DMD: variants seen among roughly 807,000 people sequenced by gnomAD.
The protein encoded by DMD is mutant dystrophin.
In DMD, 63 loss-of-function variants were observed where a neutral mutation model predicts 330.1. The ratio of observed to expected loss-of-function variants is 0.19; its 90% CI spans 0.16 to 0.24. DMD has a LOEUF of 0.24. DMD is among the 10% of genes least tolerant of loss of function. DMD has a pLI of 1.00. For missense variants in DMD, 3,344 were observed against 2,684.1 expected, an observed-to-expected ratio of 1.25 and a Z score of -5.43; for synonymous variants, 1,223 against 959.8, an observed-to-expected ratio of 1.27 and a Z score of -5.07.
chrX:31,231,268 A>T (rs1408909340), intron 63 of DMD, among the ~76,000 whole-genome samples: 1 of 110,841 alleles, frequency 9.0e-6, no homozygotes, highest in African/African-American at 3.3e-5. Context: ...TATATAACAT[A>T]TATTATTTTA....
chrX:33,065,483 G>A (rs977433103), intron 1 of DMD, among the ~76,000 whole-genome samples: 2 of 112,433 alleles, frequency 1.8e-5, no homozygotes, highest in African/African-American at 3.2e-5. Flanking sequence ...AACATGTGAA[G>A]CACTTTAGTA....
At chrX:31,603,843 G>A (rs2077485369) in intron 55 of DMD, among the ~76,000 whole-genome samples, 1 of 111,505 alleles carries the variant, frequency 9.0e-6, no homozygotes, top group Non-Finnish European at 1.9e-5. Flanking sequence ...CCTTCCTGGT[G>A]GCTTCTGTTT....
chrX:32,617,349 C>G (rs1166286544), intron 11 of DMD, among the ~76,000 whole-genome samples: 1 of 111,453 alleles, frequency 9.0e-6, no homozygotes, highest in Non-Finnish European at 1.9e-5. Flanking sequence ...ACCAAGACAG[C>G]ATTGTATTAG....
intron 61 of DMD, among the ~76,000 whole-genome samples, chrX:31,340,429 A>G (rs1020264878): frequency 4.4e-5 from 5 of 112,619 alleles, no homozygotes; most frequent in African/African-American, 1.3e-4. Flanking sequence ...ACATGCTATT[A>G]CCAGAAAATT....
intron 59 of DMD, among the ~76,000 whole-genome samples, chrX:31,466,910 T>C (rs1457767431): frequency 9.0e-6 from 1 of 111,693 alleles, no homozygotes; most frequent in Non-Finnish European, 1.9e-5. Context: ...CTAGGTATTT[T>C]ATTCTCTTTG....
At chrX:32,972,840 G>A (rs1357343364) in intron 2 of DMD, among the ~76,000 whole-genome samples, 2 of 111,825 alleles carry the variant, frequency 1.8e-5, no homozygotes, top group African/African-American at 6.5e-5. Context: ...GTGAGGTTAG[G>A]ATGGTACCTT....
intron 45 of DMD, among the ~76,000 whole-genome samples, chrX:31,956,793 G>A (rs1476469760): frequency 8.9e-6 from 1 of 112,217 alleles, no homozygotes; most frequent in East Asian, 2.8e-4. Context: ...AGATTCAAAT[G>A]GGAATAATAA....
At chrX:32,591,312 T>TA (rs2054880644) in intron 13 of DMD, among the ~76,000 whole-genome samples, 1 of 112,279 alleles carries the variant, frequency 8.9e-6, no homozygotes, top group Admixed American at 9.5e-5. Flanking sequence ...TAGTTGGCTC[T>TA]CAACTTTTAA....
At chrX:32,585,709 A>C (rs1194180387) in intron 13 of DMD, among the ~76,000 whole-genome samples, 1 of 96,966 alleles carries the variant, frequency 1.0e-5, no homozygotes, top group Non-Finnish European at 2.2e-5. Context: ...CAAAAAAAAA[A>C]AAAAAAAAAA....
chrX:31,797,561 A>C (rs1327965532), intron 50 of DMD, among the ~76,000 whole-genome samples: 1 of 112,228 alleles, frequency 8.9e-6, no homozygotes, highest in Admixed American at 9.5e-5. Context: ...ATTTACCAAG[A>C]ATGTTAGGTA....
intron 48 of DMD, among the ~76,000 whole-genome samples, chrX:31,850,609 G>C (rs769319196): frequency 8.9e-5 from 10 of 112,229 alleles, no homozygotes; most frequent in Non-Finnish European, 1.3e-4. Flanking sequence ...AGAATAATAT[G>C]CCATATAAAA....
chrX:31,420,128 T>G (rs770475105), intron 60 of DMD, among the ~76,000 whole-genome samples: 1 of 112,373 alleles, frequency 8.9e-6, no homozygotes, highest in East Asian at 2.8e-4. Flanking sequence ...TGGGTAAAAA[T>G]ACACTATTGT....
chrX:32,938,069 G>T (rs2090141679), intron 2 of DMD, among the ~76,000 whole-genome samples: 1 of 111,059 alleles, frequency 9.0e-6, no homozygotes, highest in Non-Finnish European at 1.9e-5. Flanking sequence ...GAAATAGAAC[G>T]CAGATATCAC....
chrX:32,767,030 C>T (rs1250297643), intron 7 of DMD, among the ~76,000 whole-genome samples: 5 of 111,337 alleles, frequency 4.5e-5, no homozygotes. Flanking sequence ...AAAACTACTC[C>T]GCATTATAGG....
chrX:32,823,319 A>G lies in DMD; in HGVS notation c.333T>C (p.Ile111=), dbSNP rs138909301. ...DGNHKLTLGL[I]WNIILHWQVK... is the part of the protein sequence containing the mutation. ...CCTGCCAGTGGAGGATTATATTCCA[A>G]ATCAAACCAAGAGTCAGTTTATGAT... Residue 111 remains isoleucine, a synonymous_variant, in exon 5 of 79, where the codon ATT becomes ATC. Transcript: ENST00000357033. 32 of 1,207,019 alleles carry G rather than the reference A, an allele frequency of 2.7e-5. No individual in the cohort carries two copies. The Middle Eastern group carries it at 9.2e-4, about 35-fold the overall frequency.
At chrX:31,361,527 C>T (rs2058935184) in intron 60 of DMD, among the ~76,000 whole-genome samples, 1 of 111,121 alleles carries the variant, frequency 9.0e-6, no homozygotes, top group Non-Finnish European at 1.9e-5. Context: ...AGCAGTGAGG[C>T]CAGGAGCAAT....
chrX:32,816,376 A>G lies in DMD; in HGVS notation c.530+92T>C. ...TGTACATAACATGTTGTAAAGTAGG[A>G]CATGATCTGGAACCATACTGGGGAA... is the stretch of plus-strand genomic sequence containing the variant. On this transcript the variant is annotated intron_variant, in intron 6 of 78. Coordinates refer to ENST00000357033, the MANE Select transcript of DMD (RefSeq NM_004006.3). 3.1e-6 allele frequency: 3 copies of G among 974,590 alleles called. No individual in the cohort carries two copies. The East Asian group carries it at 9.2e-5, about 30-fold the overall frequency. 80.3% of individuals were successfully genotyped at this position (974,590 alleles called of 1,213,427 possible).
intron 49 of DMD, among the ~76,000 whole-genome samples, chrX:31,824,543 G>A (rs764241683): frequency 2.4e-4 from 27 of 111,700 alleles, no homozygotes; most frequent in Non-Finnish European, 4.1e-4. Context: ...GAGCCACTGC[G>A]CCCGGCCATG....
At chrX:32,885,568 A>G (rs968395478) in intron 2 of DMD, among the ~76,000 whole-genome samples, 1 of 111,792 alleles carries the variant, frequency 8.9e-6, no homozygotes, top group Non-Finnish European at 1.9e-5. Flanking sequence ...ACTAAATCTC[A>G]TGAAAAATAT....
Sources: gnomAD v4.1 joint callset for allele counts (sites outside exome capture counted in the v4.1 genomes callset) on GRCh38, gnomAD v4.1.1 for gene constraint, MANE v1.5 for transcripts, NCBI Gene and HGNC (gene_info 2026-07-23, HGNC 2026-07-21) for gene names.